The following BNIP1 variants were observed in gnomAD, a reference collection of about 807,000 sequenced individuals.
The protein encoded by BNIP1 is vesicle transport protein SEC20.
BNIP1 carries 25 observed loss-of-function variants against 28.5 expected under a neutral mutation model. That is an observed-to-expected ratio of 0.88 (90% CI 0.64 to 1.23). The LOEUF is 1.23. Ranked by LOEUF, BNIP1 falls within the 50% of genes most tolerant of loss-of-function variation. The pLI is 0.00. For synonymous variants in BNIP1, 118 were observed against 101.7 expected (o/e 1.16, Z -0.96); for missense variants, 276 against 277.0 (o/e 1.00, Z 0.02).
chr5:173,144,652 C>A, intron 1 of BNIP1, 23 bp downstream of exon 1: 2 of 1,612,710 alleles, frequency 1.2e-6, no homozygotes, highest in Non-Finnish European at 1.7e-6. Flanking sequence ...GGACCCCTGC[C>A]GGGCTCCAGC....
At chr5:173,162,522 G>C (rs1438015103) in intron 5 of BNIP1, among the ~76,000 whole-genome samples, 3 of 152,080 alleles carry the variant, frequency 2.0e-5, no homozygotes, top group Non-Finnish European at 4.4e-5. Context: ...CCAGCTACTG[G>C]GGAGGCTGAG....
Position 173,147,465 on chromosome 5 carries a change from G to A in BNIP1, c.177+507G>A, listed in dbSNP as rs573385259. On this transcript the variant is annotated intron_variant, in intron 2 of 5. Transcript: ENST00000351486. ...CTGCCAGCTGTGTGAACGAGTGAAT[G>A]GCAGGAACACCATTATCCTTGGAAT... Among the ~76,000 whole-genome samples the A allele has an allele frequency of 3.3e-5, 5 of 151,848 alleles. No homozygotes were observed. The East Asian group carries it at 9.7e-4, about 29-fold the overall frequency.
intron 3 of BNIP1, among the ~76,000 whole-genome samples, chr5:173,156,228 A>C (rs934265178): frequency 6.6e-6 from 1 of 152,230 alleles, no homozygotes; most frequent in African/African-American, 2.4e-5. Context: ...CACTGAGTAC[A>C]GAGGAGCCCT....
At chr5:173,148,059 T>G (rs1484259208) in intron 2 of BNIP1, among the ~76,000 whole-genome samples, 5 of 21,558 alleles carry the variant, frequency 2.3e-4, no homozygotes, top group Non-Finnish European at 3.8e-4. Flanking sequence ...CAAGACTCTG[T>G]GTCAAAAAAA....
chr5:173,157,134 C>T (rs5745149), intron 3 of BNIP1, among the ~76,000 whole-genome samples: 3,241 of 152,214 alleles, frequency 0.021, 60 homozygotes, highest in South Asian at 0.072. Context: ...ATCTCTGGAT[C>T]CCAGGGTCCT....
At chr5:173,150,463 A>AT (rs748426412) in intron 2 of BNIP1, among the ~76,000 whole-genome samples, 5 of 152,030 alleles carry the variant, frequency 3.3e-5, no homozygotes, top group Non-Finnish European at 7.4e-5. Flanking sequence ...AAAATGTGTA[A>AT]TTTTTGCTAT....
intron 3 of BNIP1, among the ~76,000 whole-genome samples, chr5:173,157,914 G>A (rs1047526557): frequency 6.7e-5 from 10 of 149,258 alleles, no homozygotes; most frequent in Non-Finnish European, 1.2e-4. Flanking sequence ...GGCTTTTTGT[G>A]TGTGTGTGTG....
chr5:173,158,118 A>G (rs1417049214), intron 3 of BNIP1, among the ~76,000 whole-genome samples: 1 of 151,448 alleles, frequency 6.6e-6, no homozygotes, highest in Non-Finnish European at 1.5e-5. Flanking sequence ...TTTAGTAGAG[A>G]CGGGGTTTCT....
chr5:173,148,083 A>AAAATAT (rs1759906154), intron 2 of BNIP1, among the ~76,000 whole-genome samples: 1 of 40,300 alleles, frequency 2.5e-5, no homozygotes, highest in Non-Finnish European at 3.9e-5. Context: ...AAAAAAAAAA[A>AAAATAT]ATATATATAT....
intron 2 of BNIP1, among the ~76,000 whole-genome samples, chr5:173,149,437 T>C (rs1759953686): frequency 6.6e-6 from 1 of 152,138 alleles, no homozygotes; most frequent in South Asian, 2.1e-4. Flanking sequence ...AAGACCCACC[T>C]CTGTAATTCA....
chr5:173,159,074 G>A (rs1199303414), intron 4 of BNIP1, among the ~76,000 whole-genome samples: 1 of 150,396 alleles, frequency 6.6e-6, no homozygotes, highest in Non-Finnish European at 1.5e-5. Context: ...TCTCACTCTT[G>A]TAGCCCAGGC....
intron 2 of BNIP1, among the ~76,000 whole-genome samples, chr5:173,152,010 A>G (rs372958744): frequency 6.6e-6 from 1 of 152,330 alleles, no homozygotes; most frequent in East Asian, 1.9e-4. Context: ...AACTGGCCTC[A>G]TATCCTCAAA....
intron 3 of BNIP1, 87 bp downstream of exon 3, chr5:173,154,500 G>C (rs1410106590): frequency 9.7e-7 from 1 of 1,026,540 alleles, no homozygotes; most frequent in African/African-American, 1.7e-5. Flanking sequence ...TGATGGATCT[G>C]CTTTAATGCT....
intron 2 of BNIP1, among the ~76,000 whole-genome samples, chr5:173,149,914 A>G (rs1458919994): frequency 6.6e-6 from 1 of 152,226 alleles, no homozygotes; most frequent in Non-Finnish European, 1.5e-5. Flanking sequence ...TTACCATTCA[A>G]CATGAGATTT....
chr5:173,148,057 T>A (rs1209117476), intron 2 of BNIP1, among the ~76,000 whole-genome samples: 1 of 43,274 alleles, frequency 2.3e-5, no homozygotes, highest in Non-Finnish European at 3.9e-5. Context: ...AGCAAGACTC[T>A]GTGTCAAAAA....
intron 5 of BNIP1, among the ~76,000 whole-genome samples, chr5:173,162,783 CA>C (rs913255089): frequency 3.9e-5 from 6 of 152,100 alleles, no homozygotes; most frequent in African/African-American, 1.4e-4. Context: ...AAAAGGGACA[CA>C]AAAAAGATCA....
Position 173,159,916 on chromosome 5 carries a change from T to A in BNIP1, c.372-17T>A, listed in dbSNP as rs1409833831. On this transcript the variant is annotated splice_polypyrimidine_tract_variant and intron_variant, in intron 4 of 5. Coordinates refer to ENST00000351486, the MANE Select transcript of BNIP1 (RefSeq NM_001205.3). ...TTTGTTGACATTCCTCCCCTTTCTC[T>A]TCCTCTGAACTTTTAGGAAAACCAC... The A allele has an allele frequency of 6.2e-7, 1 of 1,610,954 alleles. No individual in the cohort carries two copies. The highest frequency in any genetic ancestry group is 1.7e-5 in the Admixed American group (1 of 59,806).
intron 2 of BNIP1, among the ~76,000 whole-genome samples, chr5:173,150,257 C>CA (rs554893099): frequency 3.8e-3 from 279 of 74,164 alleles, no homozygotes; most frequent in East Asian, 0.012. Flanking sequence ...GACCCTGTCT[C>CA]AAAAAAAAAA....
intron 2 of BNIP1, among the ~76,000 whole-genome samples, chr5:173,151,390 T>A (rs1223350348): frequency 6.6e-6 from 1 of 151,574 alleles, no homozygotes; most frequent in Non-Finnish European, 1.5e-5. Flanking sequence ...CCCAGCAAAT[T>A]TTTGTAGTTT....
Sources: gnomAD v4.1 joint callset for allele counts (sites outside exome capture counted in the v4.1 genomes callset) on GRCh38, gnomAD v4.1.1 for gene constraint, MANE v1.5 for transcripts, NCBI Gene and HGNC (gene_info 2026-07-23, HGNC 2026-07-21) for gene names.